KCNN2: variants seen among roughly 807,000 people sequenced by gnomAD.
KCNN2 encodes small conductance calcium-activated potassium channel protein 2.
Under a neutral mutation model 55.5 loss-of-function variants are expected in KCNN2, and 24 were observed. The ratio of observed to expected loss-of-function variants is 0.43; its 90% CI spans 0.31 to 0.61. The LOEUF (loss-of-function observed/expected upper bound fraction) is 0.61, where lower values mean the gene tolerates loss of function less well. KCNN2 is among the 20% of genes least tolerant of loss of function. KCNN2 has a pLI of 0.08. For missense variants in KCNN2, 754 were observed against 853.6 expected (o/e 0.88, Z 1.45); for synonymous variants, 431 against 336.1 (o/e 1.28, Z -3.09).
chr5:114,441,837 A>G (rs1760225430), intron 3 of KCNN2, among the ~76,000 whole-genome samples: 1 of 152,198 alleles, frequency 6.6e-6, no homozygotes, highest in African/African-American at 2.4e-5. Flanking sequence ...GGGTCACCTC[A>G]CTTTGCTCCT....
intron 2 of KCNN2, among the ~76,000 whole-genome samples, chr5:114,223,615 G>C (rs1414266442): frequency 1.3e-5 from 2 of 152,102 alleles, no homozygotes; most frequent in African/African-American, 4.8e-5. Flanking sequence ...GTTTTTACAA[G>C]AGAATTTAAT....
intron 2 of KCNN2, among the ~76,000 whole-genome samples, chr5:114,391,433 C>T (rs965725266): frequency 1.3e-5 from 2 of 151,784 alleles, no homozygotes; most frequent in Non-Finnish European, 2.9e-5. Context: ...AAATATATTG[C>T]CCCAAACCAC....
chr5:114,144,463 T>G (rs889571783), intron 1 of KCNN2, among the ~76,000 whole-genome samples: 3 of 152,166 alleles, frequency 2.0e-5, no homozygotes, highest in African/African-American at 7.2e-5. Context: ...CCATCATTAC[T>G]GCAATTAATG....
At chr5:114,293,899 C>T (rs2150019162) in intron 2 of KCNN2, among the ~76,000 whole-genome samples, 1 of 152,308 alleles carries the variant, frequency 6.6e-6, no homozygotes, top group East Asian at 1.9e-4. Context: ...AGAGATTCAA[C>T]TTCTTCCTGG....
chr5:114,356,601 GA>G (rs1396406072), intron 2 of KCNN2, among the ~76,000 whole-genome samples: 1 of 151,978 alleles, frequency 6.6e-6, no homozygotes, highest in African/African-American at 2.4e-5. Context: ...GTGAGAACAG[GA>G]AAAACTGAAA....
intron 2 of KCNN2, among the ~76,000 whole-genome samples, chr5:114,391,981 C>G (rs1464872296): frequency 6.6e-6 from 1 of 151,870 alleles, no homozygotes. Context: ...TCAGCCATGT[C>G]TGTCTTTTTT....
chr5:114,428,153 T>G (rs181010812), intron 3 of KCNN2, among the ~76,000 whole-genome samples: 1 of 152,340 alleles, frequency 6.6e-6, no homozygotes, highest in East Asian at 1.9e-4. Context: ...ATGAAAAGTT[T>G]ATAGCTCTTT....
intron 1 of KCNN2, among the ~76,000 whole-genome samples, chr5:114,101,618 C>T (rs981203157): frequency 3.3e-5 from 5 of 151,212 alleles, no homozygotes; most frequent in African/African-American, 7.3e-5. Flanking sequence ...CAATGTGTGA[C>T]GTTCAGCTCC....
At chr5:114,312,940 T>G (rs1481748590) in intron 2 of KCNN2, among the ~76,000 whole-genome samples, 1 of 152,140 alleles carries the variant, frequency 6.6e-6, no homozygotes, top group Non-Finnish European at 1.5e-5. Context: ...TAATTACATT[T>G]TAAGCTAGAA....
At chr5:114,316,433 C>T (rs974411735) in intron 2 of KCNN2, among the ~76,000 whole-genome samples, 7 of 152,086 alleles carry the variant, frequency 4.6e-5, no homozygotes, top group Admixed American at 3.3e-4. Context: ...ACTAGCTTAA[C>T]GCCCTTGATT....
At chr5:114,468,376 T>C (rs895703860) in intron 4 of KCNN2, among the ~76,000 whole-genome samples, 1 of 152,170 alleles carries the variant, frequency 6.6e-6, no homozygotes, top group African/African-American at 2.4e-5. Flanking sequence ...ATTGAGTCAG[T>C]CAGCCCCAGG....
intron 3 of KCNN2, among the ~76,000 whole-genome samples, chr5:114,429,347 G>T (rs1399469393): frequency 6.6e-6 from 1 of 152,204 alleles, no homozygotes; most frequent in East Asian, 1.9e-4. Flanking sequence ...GGCTTTTCTA[G>T]TATGTATGTA....
intron 3 of KCNN2, among the ~76,000 whole-genome samples, chr5:114,445,965 A>C (rs1323616560): frequency 6.6e-6 from 1 of 152,180 alleles, no homozygotes; most frequent in Non-Finnish European, 1.5e-5. Flanking sequence ...GCTTAATAGG[A>C]AGAACAAGGG....
At chr5:114,490,991 A>AT (rs1194615977) in intron 6 of KCNN2, among the ~76,000 whole-genome samples, 39 of 152,316 alleles carry the variant, frequency 2.6e-4, no homozygotes, top group African/African-American at 8.9e-4. Flanking sequence ...TACAGGCAGT[A>AT]TAAGAAACAA....
chr5:114,487,559 G>A (rs367804373), intron 6 of KCNN2, among the ~76,000 whole-genome samples: 9 of 152,164 alleles, frequency 5.9e-5, no homozygotes, highest in Admixed American at 4.6e-4. Context: ...AACTGATTTA[G>A]TACTTGAATT....
chr5:114,109,136 G>C (rs78297710), intron 1 of KCNN2, among the ~76,000 whole-genome samples: 1 of 151,990 alleles, frequency 6.6e-6, no homozygotes, highest in Non-Finnish European at 1.5e-5. Context: ...GGAAGGATGT[G>C]TTTCCAAGCT....
intron 1 of KCNN2, among the ~76,000 whole-genome samples, chr5:114,216,563 G>C (rs73254121): frequency 0.16 from 23,895 of 152,032 alleles, 2,302 homozygotes; most frequent in East Asian, 0.53. Flanking sequence ...TTTATCAATA[G>C]ATACAGAAAA....
chr5:114,423,041 A>T (rs1261755574), intron 3 of KCNN2, among the ~76,000 whole-genome samples: 1 of 152,218 alleles, frequency 6.6e-6, no homozygotes, highest in Non-Finnish European at 1.5e-5. Flanking sequence ...CTGGTGTTCA[A>T]TTAATGCATT....
chr5:114,299,625 A>T (rs900800949), intron 2 of KCNN2, among the ~76,000 whole-genome samples: 3 of 152,270 alleles, frequency 2.0e-5, no homozygotes, highest in Admixed American at 2.0e-4. Flanking sequence ...ACTGACCTCC[A>T]TACAGACACA....
Sources: allele counts gnomAD v4.1 joint callset (sites outside exome capture counted in the v4.1 genomes callset), GRCh38; gene constraint gnomAD v4.1.1; transcripts MANE v1.5; gene names NCBI Gene and HGNC (gene_info 2026-07-23, HGNC 2026-07-21).